The following PPM1E variants were observed in gnomAD, a reference collection of about 807,000 sequenced individuals.
The protein encoded by PPM1E is protein phosphatase 1E.
PPM1E carries 20 observed loss-of-function variants against 65.9 expected under a neutral mutation model. That is an observed-to-expected ratio of 0.30 (90% CI 0.21 to 0.44). PPM1E has a LOEUF of 0.44. PPM1E is among the 20% of genes least tolerant of loss of function. PPM1E has a pLI of 1.00. For synonymous variants in PPM1E, 352 were observed against 374.9 expected (o/e 0.94, Z 0.70); for missense variants, 713 against 953.1 (o/e 0.75, Z 3.32).
intron 1 of PPM1E, among the ~76,000 whole-genome samples, chr17:58,786,353 T>C (rs1316967302): frequency 1.3e-5 from 2 of 152,190 alleles, no homozygotes; most frequent in Admixed American, 6.5e-5. Flanking sequence ...GGCTTCTCTT[T>C]AGCATATCTG....
chr17:58,935,560 T>C (rs2051968398), intron 1 of PPM1E, among the ~76,000 whole-genome samples: 2 of 152,192 alleles, frequency 1.3e-5, no homozygotes, highest in Admixed American at 1.3e-4. Context: ...GCTGTTTCAG[T>C]AAAGATGTGC....
chr17:58,969,383 A>C (rs2030452468), intron 3 of PPM1E, 156 bp from the exon 4 acceptor site: 4 of 764,624 alleles, frequency 5.2e-6, no homozygotes, highest in Non-Finnish European at 9.2e-6. Context: ...TCAGCAGTTG[A>C]TCAGGCATGT....
intron 1 of PPM1E, among the ~76,000 whole-genome samples, chr17:58,864,504 G>A (rs900473028): frequency 1.3e-5 from 2 of 152,154 alleles, no homozygotes; most frequent in Non-Finnish European, 2.9e-5. Flanking sequence ...GCCAGGTGTG[G>A]TGGCTTGCGC....
chr17:58,807,024 C>T (rs2050322842), intron 1 of PPM1E, among the ~76,000 whole-genome samples: 1 of 151,938 alleles, frequency 6.6e-6, no homozygotes, highest in Non-Finnish European at 1.5e-5. Context: ...TTTTCTACTT[C>T]ATACTCTGTC....
Position 58,878,298 on chromosome 17 carries a change from A to G in PPM1E, c.465-77351A>G, listed in dbSNP as rs149458659. ...GTTCTTGTTGCCCAAGCTGGAGTGC[A>G]GTGGCGCCATCTCGGTTCACTGCAA... On this transcript the variant is annotated intron_variant, in intron 1 of 6. Coordinates refer to ENST00000308249, the MANE Select transcript of PPM1E (RefSeq NM_014906.5). 9.3e-4 allele frequency among the ~76,000 whole-genome samples: 142 copies of G among 152,128 alleles called. 1 individual carries two copies. Among genetic ancestry groups the G allele is most frequent in the African/African-American group, 3.3e-3 (139 of 41,518 alleles).
chr17:58,844,055 A>G (rs115263034), intron 1 of PPM1E, among the ~76,000 whole-genome samples: 4,447 of 152,226 alleles, frequency 0.029, 107 homozygotes, highest in African/African-American at 0.062. Context: ...GAGATACATT[A>G]TTTTGGGAAT....
chr17:58,891,771 A>G (rs981094154), intron 1 of PPM1E, among the ~76,000 whole-genome samples: 1 of 151,804 alleles, frequency 6.6e-6, no homozygotes, highest in Non-Finnish European at 1.5e-5. Context: ...CTATTTGGAA[A>G]GGAACATATA....
chr17:58,781,660 C>T (rs917014225), intron 1 of PPM1E, among the ~76,000 whole-genome samples: 2 of 151,804 alleles, frequency 1.3e-5, no homozygotes, highest in East Asian at 2.0e-4. Context: ...CCAGCACTTT[C>T]GGAGGCTGAG....
intron 1 of PPM1E, among the ~76,000 whole-genome samples, chr17:58,832,867 G>A (rs916925225): frequency 1.9e-4 from 29 of 152,168 alleles, no homozygotes; most frequent in African/African-American, 6.8e-4. Flanking sequence ...AGGCTGGAGT[G>A]CAGTGGTGTG....
intron 1 of PPM1E, among the ~76,000 whole-genome samples, chr17:58,764,899 G>A (rs924418579): frequency 6.6e-6 from 1 of 151,574 alleles, no homozygotes; most frequent in Non-Finnish European, 1.5e-5. Flanking sequence ...CAGCCTACTA[G>A]TTGTTTTCTT....
At chr17:58,862,733 G>A (rs2050955438) in intron 1 of PPM1E, among the ~76,000 whole-genome samples, 1 of 152,078 alleles carries the variant, frequency 6.6e-6, no homozygotes, top group African/African-American at 2.4e-5. Flanking sequence ...CAATAATACT[G>A]TTTTCCCCAA....
chr17:58,926,503 G>T (rs1384088525), intron 1 of PPM1E, among the ~76,000 whole-genome samples: 1 of 152,008 alleles, frequency 6.6e-6, no homozygotes, highest in Non-Finnish European at 1.5e-5. Context: ...ATATGTGTGT[G>T]CGTGTGTGTG....
intron 1 of PPM1E, among the ~76,000 whole-genome samples, chr17:58,934,062 T>C (rs1598659183): frequency 7.9e-6 from 1 of 126,856 alleles, no homozygotes; most frequent in African/African-American, 3.1e-5. Flanking sequence ...CACTCCAGCC[T>C]GGGCAACAGA....
intron 3 of PPM1E, among the ~76,000 whole-genome samples, chr17:58,968,455 A>G (rs1349858063): frequency 6.6e-6 from 1 of 152,172 alleles, no homozygotes; most frequent in Non-Finnish European, 1.5e-5. Context: ...GAACTTTTTC[A>G]AAGTACAGAT....
intron 4 of PPM1E, 122 bp from the exon 5 acceptor site, chr17:58,972,010 G>C: frequency 1.1e-6 from 1 of 913,470 alleles, no homozygotes; most frequent in East Asian, 2.7e-5. Flanking sequence ...TTATATATGT[G>C]TGAAATTCCA....
intron 1 of PPM1E, among the ~76,000 whole-genome samples, chr17:58,814,725 A>G (rs1257137819): frequency 6.6e-6 from 1 of 152,266 alleles, no homozygotes; most frequent in Non-Finnish European, 1.5e-5. Context: ...GCCATAAACC[A>G]TAAGAAAGCT....
intron 1 of PPM1E, among the ~76,000 whole-genome samples, chr17:58,934,146 A>C (rs948963701): frequency 1.3e-5 from 2 of 151,906 alleles, no homozygotes; most frequent in African/African-American, 4.8e-5. Context: ...AGAAGAGTTG[A>C]AGTTGATAGC....
At chr17:58,969,824 G>A in intron 4 of PPM1E, 97 bp downstream of exon 4, 2 of 1,154,466 alleles carry the variant, frequency 1.7e-6, no homozygotes, top group South Asian at 3.0e-5. Context: ...CTCTTTCTGG[G>A]CAGACATTAT....
chr17:58,799,633 G>A (rs1182833186), intron 1 of PPM1E, among the ~76,000 whole-genome samples: 1 of 152,134 alleles, frequency 6.6e-6, no homozygotes, highest in Non-Finnish European at 1.5e-5. Flanking sequence ...TTGTAGAGAT[G>A]GGGTTTCACT....
Sources: gnomAD v4.1 joint callset for allele counts (sites outside exome capture counted in the v4.1 genomes callset) on GRCh38, gnomAD v4.1.1 for gene constraint, MANE v1.5 for transcripts, NCBI Gene and HGNC (gene_info 2026-07-23, HGNC 2026-07-21) for gene names.